Variants in KCNH7 observed in about 807,000 individuals in gnomAD.
The protein encoded by KCNH7 is voltage-gated inwardly rectifying potassium channel KCNH7.
In KCNH7, 49 loss-of-function variants were observed where a neutral mutation model predicts 120.8. The ratio of observed to expected loss-of-function variants is 0.41; its 90% confidence interval spans 0.32 to 0.51. The LOEUF is 0.51. Among genes scored for constraint, KCNH7 ranks in the 20% least tolerant of loss-of-function variants. The probability of loss-of-function intolerance (pLI) is 0.38; values close to 1 mark genes in which losing one functional copy is unlikely to be tolerated. For missense variants in KCNH7, 1,097 were observed against 1,446.6 expected (o/e 0.76, Z 3.92); for synonymous variants, 547 against 516.1 (o/e 1.06, Z -0.81).
At chr2:162,704,796 GCAGT>G (rs1315618630) in intron 2 of KCNH7, among the ~76,000 whole-genome samples, 6 of 152,282 alleles carry the variant, frequency 3.9e-5, no homozygotes, top group African/African-American at 1.4e-4. Context: ...ATATGGTCAG[GCAGT>G]GTATGCAAAG....
At chr2:162,709,348 C>T (rs771949567) in intron 2 of KCNH7, among the ~76,000 whole-genome samples, 1 of 151,984 alleles carries the variant, frequency 6.6e-6, no homozygotes, top group Non-Finnish European at 1.5e-5. Context: ...ATCTCTAGAT[C>T]CAGAAGCTCA....
intron 2 of KCNH7, among the ~76,000 whole-genome samples, chr2:162,604,030 G>T (rs1435313923): frequency 6.6e-6 from 1 of 151,938 alleles, no homozygotes; most frequent in African/African-American, 2.4e-5. Context: ...CTCTTTGATT[G>T]ACATAAAAAT....
chr2:162,470,358 G>A (rs1384293548), intron 6 of KCNH7, among the ~76,000 whole-genome samples: 5 of 136,614 alleles, frequency 3.7e-5, no homozygotes, highest in African/African-American at 8.3e-5. Flanking sequence ...GCCCGGCCGC[G>A]ACCCTGTCTG....
chr2:162,525,879 C>T (rs1241734033), intron 3 of KCNH7, among the ~76,000 whole-genome samples: 1 of 151,788 alleles, frequency 6.6e-6, no homozygotes, highest in African/African-American at 2.4e-5. Flanking sequence ...CATGGGGGCT[C>T]TCTGGTGTGG....
intron 2 of KCNH7, among the ~76,000 whole-genome samples, chr2:162,548,018 C>G (rs892410880): frequency 2.0e-5 from 3 of 152,084 alleles, no homozygotes; most frequent in African/African-American, 7.2e-5. Context: ...ATTTTTTTCC[C>G]TAGGTATTTT....
intron 12 of KCNH7, among the ~76,000 whole-genome samples, chr2:162,390,784 T>C (rs1021467202): frequency 6.6e-6 from 1 of 151,916 alleles, no homozygotes; most frequent in Non-Finnish European, 1.5e-5. Context: ...TGTAGGGAAG[T>C]GGGATTTTTC....
At chr2:162,537,338 C>T (rs898873763) in intron 2 of KCNH7, among the ~76,000 whole-genome samples, 13 of 152,026 alleles carry the variant, frequency 8.6e-5, no homozygotes, top group African/African-American at 2.9e-4. Flanking sequence ...ATTCTATTTG[C>T]TTTCACACCC....
chr2:162,772,448 C>T (rs1367932071), intron 2 of KCNH7, among the ~76,000 whole-genome samples: 1 of 152,176 alleles, frequency 6.6e-6, no homozygotes, highest in African/African-American at 2.4e-5. Context: ...CATTCAATCC[C>T]CATGACAATA....
intron 8 of KCNH7, among the ~76,000 whole-genome samples, chr2:162,429,505 G>A (rs1687997966): frequency 7.0e-6 from 1 of 142,180 alleles, no homozygotes; most frequent in Non-Finnish European, 1.5e-5. Flanking sequence ...ATCATTTCTT[G>A]TAGACTGCTC....
chr2:162,762,197 CT>C (rs569078528), intron 2 of KCNH7, among the ~76,000 whole-genome samples: 35 of 151,580 alleles, frequency 2.3e-4, no homozygotes, highest in African/African-American at 8.0e-4. Context: ...TTTTTCATGG[CT>C]TTTTTGTTTG....
chr2:162,762,363 T>C (rs1438948131), intron 2 of KCNH7, among the ~76,000 whole-genome samples: 4 of 140,462 alleles, frequency 2.8e-5, no homozygotes, highest in Non-Finnish European at 6.2e-5. Context: ...TAATGAAAGA[T>C]CTTGTTGGAA....
At chr2:162,449,642 G>T (rs189807930) in intron 6 of KCNH7, among the ~76,000 whole-genome samples, 99 of 152,126 alleles carry the variant, frequency 6.5e-4, no homozygotes, top group Middle Eastern at 3.4e-3. Context: ...AGATACAGCT[G>T]CAAGCCAAGG....
At chr2:162,394,791 T>C (rs1214425098) in intron 11 of KCNH7, among the ~76,000 whole-genome samples, 1 of 151,890 alleles carries the variant, frequency 6.6e-6, no homozygotes, top group African/African-American at 2.4e-5. Flanking sequence ...GGAATGTGTT[T>C]TATGCAACTT....
At chr2:162,736,167 AAGG>A (rs758090533) in intron 2 of KCNH7, among the ~76,000 whole-genome samples, 6 of 152,212 alleles carry the variant, frequency 3.9e-5, no homozygotes, top group Non-Finnish European at 7.3e-5. Context: ...GCAAACCTGC[AAGG>A]AGAAGAGAAG....
At chr2:162,386,561 C>T (rs1234921853) in intron 12 of KCNH7, among the ~76,000 whole-genome samples, 1 of 151,704 alleles carries the variant, frequency 6.6e-6, no homozygotes, top group African/African-American at 2.4e-5. Context: ...ACTTGGGAAC[C>T]AGAGATATTT....
chr2:162,379,768 G>C, intron 14 of KCNH7, 85 bp downstream of exon 14: 2 of 1,289,972 alleles, frequency 1.6e-6, no homozygotes, highest in Non-Finnish European at 2.2e-6. Context: ...ATCATGGCAA[G>C]GAGAATTTTC....
At chr2:162,545,030 G>A (rs1692431237) in intron 2 of KCNH7, among the ~76,000 whole-genome samples, 1 of 152,028 alleles carries the variant, frequency 6.6e-6, no homozygotes. Flanking sequence ...ATGTTTCTCA[G>A]GAGAAAACCT....
intron 2 of KCNH7, among the ~76,000 whole-genome samples, chr2:162,641,727 T>G (rs1000053878): frequency 7.0e-6 from 1 of 143,492 alleles, no homozygotes; most frequent in African/African-American, 2.7e-5. Flanking sequence ...ATTACATCAA[T>G]GATAATATTC....
At chr2:162,447,642 A>C (rs1442572085) in intron 6 of KCNH7, among the ~76,000 whole-genome samples, 1 of 152,110 alleles carries the variant, frequency 6.6e-6, no homozygotes, top group African/African-American at 2.4e-5. Context: ...CATGGATCTC[A>C]GGTAATCCTC....
Sources: allele counts gnomAD v4.1 joint callset (sites outside exome capture counted in the v4.1 genomes callset), GRCh38; gene constraint gnomAD v4.1.1; transcripts MANE v1.5; gene names NCBI Gene and HGNC (gene_info 2026-07-23, HGNC 2026-07-21).